LRP5: variants seen among roughly 807,000 people sequenced by gnomAD.
LRP5 encodes LDL receptor related protein 5.
LRP5 carries 62 observed loss-of-function variants against 154.1 expected under a neutral mutation model. That is an observed-to-expected ratio of 0.40 (90% confidence interval 0.33 to 0.50). The LOEUF (loss-of-function observed/expected upper bound fraction) is 0.50, where lower values mean the gene tolerates loss of function less well. Ranked by LOEUF, LRP5 falls within the 20% of genes least tolerant of loss-of-function variation. The probability of loss-of-function intolerance (pLI) is 0.55; values close to 1 mark genes in which losing one functional copy is unlikely to be tolerated. For synonymous variants in LRP5, 966 were observed against 1,011.5 expected, an observed-to-expected ratio of 0.96 and a Z score of 0.85; for missense variants, 1,915 against 2,336.7, an observed-to-expected ratio of 0.82 and a Z score of 3.72.
At chr11:68,349,764 C>T (rs2098616726) in intron 2 of LRP5, among the ~76,000 whole-genome samples, 1 of 152,162 alleles carries the variant, frequency 6.6e-6, no homozygotes, top group African/African-American at 2.4e-5. Context: ...CCCCAGACTC[C>T]CGAGCAGAGG....
In LRP5 at chr11:68,318,662, A is replaced by T. The variant is rs780376942; in HGVS notation, c.91+5857A>T. 2.6e-5 allele frequency among the ~76,000 whole-genome samples: 4 copies of T among 152,166 alleles called. No individual in the cohort carries two copies. The East Asian group carries it at 7.7e-4, about 29-fold the overall frequency. On this transcript the variant is annotated intron_variant, in intron 1 of 22. Transcript: ENST00000294304. ...CCTTAATGTAGTTTTTCTTGTGGTT[A>T]AACTGAGGTGAAGGTTCACTCAAGG... is the stretch of plus-strand genomic sequence containing the variant.
At chr11:68,315,345 C>T (rs2098592453) in intron 1 of LRP5, among the ~76,000 whole-genome samples, 1 of 152,232 alleles carries the variant, frequency 6.6e-6, no homozygotes, top group African/African-American at 2.4e-5. Context: ...TGGATTTTTC[C>T]TGTATGACCT....
chr11:68,378,908 G>C (rs955577220), intron 5 of LRP5, among the ~76,000 whole-genome samples: 48 of 152,112 alleles, frequency 3.2e-4, no homozygotes, highest in African/African-American at 1.1e-3. Flanking sequence ...TTAGCCAGGC[G>C]TGGTGGTGGG....
At chr11:68,424,034 G>A (rs184738187) in intron 14 of LRP5, among the ~76,000 whole-genome samples, 4 of 152,156 alleles carry the variant, frequency 2.6e-5, no homozygotes, top group African/African-American at 4.8e-5. Context: ...CTGTTGACTC[G>A]CTCCTGTTCC....
chr11:68,315,679 GCCCC>G (rs2098592789), intron 1 of LRP5, among the ~76,000 whole-genome samples: 1 of 152,200 alleles, frequency 6.6e-6, no homozygotes, highest in African/African-American at 2.4e-5. Context: ...GGCAGATAAG[GCCCC>G]GCCCCTGCGG....
At position 68,429,656 on chromosome 11, in the gene LRP5, GC is replaced by G; in HGVS notation, c.3722del (p.Pro1241GlnfsTer11). ...AKGDGTPRCS[C>X]PVHLVLLQNL... ...GGTGATGGGACACCACGGTGCTCATGCCCAGTCCACCTCGTGCTCCTGCAGA... is the reference window on the plus strand; with the variant it reads ...GGTGATGGGACACCACGGTGCTCATGCCAGTCCACCTCGTGCTCCTGCAGA... On this transcript the variant is annotated frameshift_variant, in exon 17 of 23. Coordinates refer to ENST00000294304, the MANE Select transcript of LRP5 (RefSeq NM_002335.4). LOFTEE classifies it high-confidence loss of function. 1.2e-6 allele frequency: 2 copies of G among 1,614,164 alleles called. No homozygotes were observed. The highest frequency in any genetic ancestry group is 1.7e-6 in the Non-Finnish European group (2 of 1,180,054).
At chr11:68,373,282 C>T (rs2098635370) in intron 5 of LRP5, among the ~76,000 whole-genome samples, 1 of 152,138 alleles carries the variant, frequency 6.6e-6, no homozygotes, top group Admixed American at 6.5e-5. Flanking sequence ...AGGTGCCTTC[C>T]CCAAGGAAGG....
intron 5 of LRP5, among the ~76,000 whole-genome samples, chr11:68,380,001 C>G (rs188924633): frequency 6.6e-6 from 1 of 152,150 alleles, no homozygotes; most frequent in African/African-American, 2.4e-5. Flanking sequence ...GGCGTGGTGG[C>G]GGGCACCTGT....
chr11:68,443,562 TATATATATATATATATATATATA>T (rs1466820693), intron 21 of LRP5, among the ~76,000 whole-genome samples: 1 of 34,428 alleles, frequency 2.9e-5, no homozygotes, highest in African/African-American at 1.4e-4. Context: ...TATATATATA[TATATATATATATATATATATATA>T]TTTTTTTTTT....
In LRP5 at chr11:68,410,157, C is replaced by T. The variant is rs773193433; in HGVS notation, c.2318+17C>T. ...CACCAAGGGGTAAGTGTTTGCCTGTCCCGTGCGTCCTTGTGTTCACCTCGT... is the reference window on the plus strand; with the variant it reads ...CACCAAGGGGTAAGTGTTTGCCTGTTCCGTGCGTCCTTGTGTTCACCTCGT... On this transcript the variant is annotated intron_variant, in intron 10 of 22. Coordinates refer to ENST00000294304, the MANE Select transcript of LRP5 (RefSeq NM_002335.4). 1.2e-6 allele frequency: 2 copies of T among 1,603,036 alleles called. No individual in the cohort carries two copies. Among genetic ancestry groups the T allele is most frequent in the East Asian group, 2.2e-5 (1 of 44,736 alleles).
intron 17 of LRP5, among the ~76,000 whole-genome samples, chr11:68,431,215 A>T (rs1330391211): frequency 6.8e-6 from 1 of 147,302 alleles, no homozygotes; most frequent in Non-Finnish European, 1.5e-5. Flanking sequence ...ACAGCAGCAC[A>T]CACTGGCTGT....
At chr11:68,328,585 TCTGTGCCAGCCCAG>T (rs1453775539) in intron 1 of LRP5, among the ~76,000 whole-genome samples, 1 of 152,034 alleles carries the variant, frequency 6.6e-6, no homozygotes, top group Non-Finnish European at 1.5e-5. Flanking sequence ...AAACCACGAG[TCTGTGCCAGCCCAG>T]CCGACTGTCG....
chr11:68,333,299 A>G (rs1190608685), intron 1 of LRP5, among the ~76,000 whole-genome samples: 3 of 152,208 alleles, frequency 2.0e-5, no homozygotes, highest in African/African-American at 4.8e-5. Flanking sequence ...ACGAGAAGCT[A>G]AGGTATGGTT....
chr11:68,304,831 C>A, the LRP5 span, among the ~76,000 whole-genome samples: 1 of 152,202 alleles, frequency 6.6e-6, no homozygotes, highest in Non-Finnish European at 1.5e-5. Context: ...AGATTTCTCC[C>A]TTTTGGAACA....
At chr11:68,389,589 CTG>C (rs1491221367) in intron 6 of LRP5, among the ~76,000 whole-genome samples, 1 of 152,158 alleles carries the variant, frequency 6.6e-6, no homozygotes, top group Non-Finnish European at 1.5e-5. Flanking sequence ...TCTACCAACA[CTG>C]ACATTTACCG....
intron 7 of LRP5, among the ~76,000 whole-genome samples, chr11:68,390,267 G>A (rs1294355109): frequency 1.3e-5 from 2 of 152,232 alleles, no homozygotes; most frequent in Non-Finnish European, 2.9e-5. Context: ...GTTATCATTC[G>A]GCCAGGTGCC....
chr11:68,299,988 C>T, the LRP5 span, among the ~76,000 whole-genome samples: 7 of 148,942 alleles, frequency 4.7e-5, no homozygotes, highest in East Asian at 1.4e-3. Context: ...ACCTCTTTCT[C>T]CCAGGTTCAA....
chr11:68,337,960 G>C (rs571395218), intron 1 of LRP5, among the ~76,000 whole-genome samples: 171 of 152,278 alleles, frequency 1.1e-3, no homozygotes, highest in African/African-American at 3.5e-3. Context: ...CCATCCCCAG[G>C]CTCCAGGCAT....
At chr11:68,344,139 G>C (rs1455061689) in intron 1 of LRP5, among the ~76,000 whole-genome samples, 1 of 152,270 alleles carries the variant, frequency 6.6e-6, no homozygotes, top group African/African-American at 2.4e-5. Flanking sequence ...CCCTGCCTGT[G>C]AGCTGCATAG....
Sources: allele counts gnomAD v4.1 joint callset (sites outside exome capture counted in the v4.1 genomes callset), GRCh38; gene constraint gnomAD v4.1.1; transcripts MANE v1.5; gene names NCBI Gene and HGNC (gene_info 2026-07-23, HGNC 2026-07-21).